VPS35L: variants seen among roughly 807,000 people sequenced by gnomAD.
The protein encoded by VPS35L is VPS35 endosomal protein sorting factor like.
Under a neutral mutation model 133.0 loss-of-function variants are expected in VPS35L, and 83 were observed. The observed-to-expected ratio is 0.62, with a 90% CI of 0.52 to 0.75. The LOEUF (loss-of-function observed/expected upper bound fraction) is 0.75. Ranked by LOEUF, VPS35L falls within the 30% of genes least tolerant of loss-of-function variation. VPS35L has a pLI of 0.00. For synonymous variants in VPS35L, 423 were observed against 449.9 expected, an observed-to-expected ratio of 0.94 and a Z score of 0.76; for missense variants, 1,083 against 1,206.8, an observed-to-expected ratio of 0.90 and a Z score of 1.52.
intron 21 of VPS35L, among the ~76,000 whole-genome samples, chr16:19,641,273 G>A (rs1030187557): frequency 6.6e-6 from 1 of 150,902 alleles, no homozygotes; most frequent in Non-Finnish European, 1.5e-5. Context: ...CGCCATGGTG[G>A]CCAGGCTGGT....
intron 2 of VPS35L, among the ~76,000 whole-genome samples, chr16:19,567,251 C>T (rs568722604): frequency 6.6e-6 from 1 of 152,330 alleles, no homozygotes; most frequent in African/African-American, 2.4e-5. Context: ...AGAGCTGCTG[C>T]AGCTCCAGGC....
intron 14 of VPS35L, among the ~76,000 whole-genome samples, chr16:19,622,140 CTT>C (rs60521137): frequency 0.013 from 1,407 of 107,842 alleles, 37 homozygotes; most frequent in African/African-American, 0.044. Flanking sequence ...CCATGTATAT[CTT>C]TTTTTTTTTT....
chr16:19,640,757 T>C (rs895744799), intron 21 of VPS35L, among the ~76,000 whole-genome samples: 1 of 152,214 alleles, frequency 6.6e-6, no homozygotes. Context: ...GTTTTTGTTT[T>C]TGTTTGGAGA....
At chr16:19,636,629 G>C (rs1211608883) in intron 19 of VPS35L, among the ~76,000 whole-genome samples, 1 of 152,268 alleles carries the variant, frequency 6.6e-6, no homozygotes, top group South Asian at 2.1e-4. Context: ...TATGAAATGG[G>C]CACATAACGT....
In VPS35L at chr16:19,578,586, G is replaced by T. The variant is rs955269896; in HGVS notation, c.434-466G>T. 4 of 338,524 alleles carry T rather than the reference G, an allele frequency of 1.2e-5. No individual in the cohort carries two copies. The Admixed American group carries it at 1.7e-4, about 14-fold the overall frequency. The allele number at this position is 338,524 out of a possible 1,614,324, so 21.0% of individuals were successfully genotyped here. Reference sequence around the variant, plus strand: ...GAAGGAGGCACAGCTAGTCCTGTTTGCTCGAAGAGAGGGCTTTGAAGCCCT... The same window carrying T: ...GAAGGAGGCACAGCTAGTCCTGTTTTCTCGAAGAGAGGGCTTTGAAGCCCT... On this transcript the variant is annotated intron_variant, in intron 5 of 30. Transcript: ENST00000417362.
Position 19,640,054 on chromosome 16 carries a change from A to T in VPS35L, c.1738A>T (p.Ser580Cys). 1 of 1,614,142 alleles carries T rather than the reference A, an allele frequency of 6.2e-7. No homozygotes were observed. Among genetic ancestry groups the T allele is most frequent in the Non-Finnish European group, 8.5e-7 (1 of 1,180,020 alleles). Residue 580 changes from serine (S) to cysteine (C), a missense_variant, in exon 21 of 31, where the codon AGT (serine) becomes TGT (cysteine). Ser to Cys is a moderately radical substitution (Grantham distance 112). Transcript: ENST00000417362. ...GTTTCTGGACATGTTCCAAAAAGAG[A>T]GTGTGCGGGTGGAGGTTTGCAAATG... is the stretch of plus-strand genomic sequence containing the variant. ...LPFLDMFQKESVRVEVCKCIM... is the reference protein window; with the variant it reads ...LPFLDMFQKECVRVEVCKCIM...
At chr16:19,688,014 C>T (rs1407169959) in intron 28 of VPS35L, among the ~76,000 whole-genome samples, 1 of 152,162 alleles carries the variant, frequency 6.6e-6, no homozygotes, top group East Asian at 1.9e-4. Context: ...GCAACATCTG[C>T]CTCCTGGGCT....
chr16:19,581,263 C>G (rs1235622522), intron 6 of VPS35L, among the ~76,000 whole-genome samples: 1 of 152,142 alleles, frequency 6.6e-6, no homozygotes, highest in African/African-American at 2.4e-5. Flanking sequence ...CACACAGCTA[C>G]TTGGTGTCCA....
chr16:19,630,059 A>AT (rs906525318), intron 18 of VPS35L, among the ~76,000 whole-genome samples: 108 of 149,832 alleles, frequency 7.2e-4, no homozygotes, highest in African/African-American at 9.3e-4. Flanking sequence ...AAGTTAAACC[A>AT]TTTTTTTTTT....
At chr16:19,620,558 A>G (rs1234210180) in intron 14 of VPS35L, among the ~76,000 whole-genome samples, 1 of 152,170 alleles carries the variant, frequency 6.6e-6, no homozygotes, top group African/African-American at 2.4e-5. Context: ...ATTGGGATGA[A>G]TACTCCATTC....
intron 28 of VPS35L, among the ~76,000 whole-genome samples, chr16:19,689,814 T>C (rs1975603234): frequency 6.6e-6 from 1 of 152,218 alleles, no homozygotes; most frequent in African/African-American, 2.4e-5. Flanking sequence ...GATTCAATAC[T>C]GTCTGTGGTT....
At chr16:19,681,875 G>C (rs1305190644) in intron 27 of VPS35L, among the ~76,000 whole-genome samples, 1 of 101,068 alleles carries the variant, frequency 9.9e-6, no homozygotes, top group East Asian at 2.3e-4. Context: ...TTGGAACAGG[G>C]CTTCCTTTTT....
chr16:19,657,089 C>T (rs1974330872), intron 26 of VPS35L, among the ~76,000 whole-genome samples: 1 of 151,442 alleles, frequency 6.6e-6, no homozygotes, highest in African/African-American at 2.4e-5. Flanking sequence ...CTTCAGCCTC[C>T]CAAATAGCTG....
chr16:19,700,888 CCA>C lies in VPS35L; in HGVS notation c.*413_*414del, dbSNP rs1976108713. 1 of 166,206 alleles carries C rather than the reference CCA, an allele frequency of 6.0e-6. No homozygotes were observed. The allele number at this position is 166,206 out of a possible 1,614,324, so 10.3% of individuals were successfully genotyped here. On this transcript the variant is annotated 3_prime_UTR_variant, in exon 31 of 31. Coordinates refer to ENST00000417362, the MANE Select transcript of VPS35L (RefSeq NM_020314.7). ...GCCACTGTTCCAGACCCATTCCATTCCAGACTTTGTACCTTAAAGTTAGAGCA... is the reference window on the plus strand; with the variant it reads ...GCCACTGTTCCAGACCCATTCCATTCGACTTTGTACCTTAAAGTTAGAGCA...
intron 10 of VPS35L, 105 bp downstream of exon 10, chr16:19,608,379 A>G (rs1458984329): frequency 1.1e-5 from 10 of 907,138 alleles, no homozygotes; most frequent in African/African-American, 1.7e-5. Context: ...TCTTATTGAA[A>G]GTTTGGTCCC....
chr16:19,628,685 C>G lies in VPS35L; in HGVS notation c.1432C>G (p.Pro478Ala). The G allele has an allele frequency of 6.2e-7, 1 of 1,603,928 alleles. No homozygotes were observed. The highest frequency in any genetic ancestry group is 8.5e-7 in the Non-Finnish European group (1 of 1,173,656). Residue 478 changes from proline to alanine, a missense_variant, in exon 17 of 31, where the codon CCT (proline) becomes GCT (alanine). Physicochemically the swap from Pro to Ala is conservative, Grantham distance 27. Transcript: ENST00000417362. ...ATTAAACTTGGCCTTGGCTGATCCTCCTGAGAGTGACCGACTTCAGATTCT... is the reference window on the plus strand; with the variant it reads ...ATTAAACTTGGCCTTGGCTGATCCTGCTGAGAGTGACCGACTTCAGATTCT... ...LGLNLALADP[P>A]ESDRLQILNE...
intron 27 of VPS35L, among the ~76,000 whole-genome samples, chr16:19,672,490 A>G (rs1974910135): frequency 6.6e-6 from 1 of 152,184 alleles, no homozygotes; most frequent in African/African-American, 2.4e-5. Flanking sequence ...TTGGCATGTG[A>G]ATTATATCTC....
intron 30 of VPS35L, 79 bp from the exon 31 acceptor site, chr16:19,700,299 A>G (rs1976077339): frequency 5.5e-6 from 7 of 1,278,282 alleles, no homozygotes; most frequent in Non-Finnish European, 5.7e-6. Flanking sequence ...CTAAGCTCAC[A>G]TAATGGCTGA....
intron 23 of VPS35L, among the ~76,000 whole-genome samples, chr16:19,646,606 G>A (rs190298989): frequency 2.4e-4 from 36 of 152,042 alleles, no homozygotes; most frequent in Middle Eastern, 3.4e-3. Context: ...CAGAGGTTGC[G>A]GTGAGCCAAG....
Sources: gnomAD v4.1 joint callset for allele counts (sites outside exome capture counted in the v4.1 genomes callset) on GRCh38, gnomAD v4.1.1 for gene constraint, MANE v1.5 for transcripts, NCBI Gene and HGNC (gene_info 2026-07-23, HGNC 2026-07-21) for gene names.